The following GALNTL6 variants were observed in gnomAD, a reference collection of about 807,000 sequenced individuals.
The protein encoded by GALNTL6 is polypeptide N-acetylgalactosaminyltransferase-like 6.
A neutral mutation model predicts 73.7 loss-of-function variants in GALNTL6; 46 were observed. The observed-to-expected ratio is 0.62, with a 90% CI of 0.49 to 0.80. GALNTL6 has a LOEUF of 0.80. GALNTL6 is among the 30% of genes least tolerant of loss of function. The pLI is 0.00. For missense variants in GALNTL6, 604 were observed against 755.0 expected (o/e 0.80, Z 2.34); for synonymous variants, 259 against 263.7 (o/e 0.98, Z 0.17).
intron 2 of GALNTL6, among the ~76,000 whole-genome samples, chr4:172,179,924 ATAG>A (rs1328988086): frequency 2.0e-5 from 3 of 152,160 alleles, no homozygotes; most frequent in Non-Finnish European, 4.4e-5. Flanking sequence ...ATGTGTCTTC[ATAG>A]TAGAATGATT....
At chr4:172,906,232 C>T (rs928774852) in intron 8 of GALNTL6, among the ~76,000 whole-genome samples, 2 of 150,790 alleles carry the variant, frequency 1.3e-5, no homozygotes, top group Non-Finnish European at 3.0e-5. Context: ...GGTTAAGTGG[C>T]CATTAAAAAA....
intron 5 of GALNTL6, among the ~76,000 whole-genome samples, chr4:172,495,662 AT>A (rs1734049477): frequency 1.3e-5 from 2 of 152,280 alleles, no homozygotes; most frequent in Middle Eastern, 3.4e-3. Flanking sequence ...TGGTGGGAAA[AT>A]GCCTTTAGTA....
chr4:172,514,671 G>T (rs1384022595), intron 5 of GALNTL6, among the ~76,000 whole-genome samples: 2 of 152,110 alleles, frequency 1.3e-5, no homozygotes, highest in African/African-American at 4.8e-5. Flanking sequence ...CCTTCTTCCT[G>T]TAGTCTTTCC....
At chr4:171,936,290 T>C (rs984230909) in intron 2 of GALNTL6, among the ~76,000 whole-genome samples, 2 of 152,164 alleles carry the variant, frequency 1.3e-5, no homozygotes, top group African/African-American at 4.8e-5. Context: ...GGAAAAGGTA[T>C]GTAACATCTG....
intron 5 of GALNTL6, among the ~76,000 whole-genome samples, chr4:172,635,317 A>G (rs1739619016): frequency 6.6e-6 from 1 of 152,134 alleles, no homozygotes; most frequent in African/African-American, 2.4e-5. Flanking sequence ...ATTTAATTCA[A>G]ATAAGATGTA....
At chr4:172,413,677 T>C (rs796468988) in intron 5 of GALNTL6, among the ~76,000 whole-genome samples, 1 of 150,348 alleles carries the variant, frequency 6.7e-6, no homozygotes, top group African/African-American at 2.4e-5. Flanking sequence ...TTTTTTGCTA[T>C]CTGTGAAACT....
intron 6 of GALNTL6, among the ~76,000 whole-genome samples, chr4:172,811,791 C>T (rs993530758): frequency 2.0e-5 from 3 of 152,226 alleles, no homozygotes; most frequent in African/African-American, 7.2e-5. Flanking sequence ...ATTCCCCTTC[C>T]CCTGTTTTAT....
intron 5 of GALNTL6, among the ~76,000 whole-genome samples, chr4:172,706,566 T>C (rs1377140220): frequency 6.6e-6 from 1 of 152,140 alleles, no homozygotes; most frequent in East Asian, 1.9e-4. Flanking sequence ...TTCTAGTCTT[T>C]GCTTTTGCCT....
chr4:172,757,510 A>G (rs1737819510), intron 5 of GALNTL6, among the ~76,000 whole-genome samples: 1 of 152,200 alleles, frequency 6.6e-6, no homozygotes, highest in African/African-American at 2.4e-5. Context: ...TAATATTTAC[A>G]TAAAGTCATG....
At chr4:172,156,543 A>ATATATATATATATATAGTGTG (rs1734279199) in intron 2 of GALNTL6, among the ~76,000 whole-genome samples, 1 of 19,344 alleles carries the variant, frequency 5.2e-5, no homozygotes, top group African/African-American at 2.1e-4. Context: ...TATATATAAT[A>ATATATATATATATATAGTGTG]TATATATATA....
chr4:172,102,232 A>G (rs1163334611), intron 2 of GALNTL6, among the ~76,000 whole-genome samples: 1 of 152,212 alleles, frequency 6.6e-6, no homozygotes, highest in East Asian at 1.9e-4. Flanking sequence ...ATAGAAAGCT[A>G]GGATATGTCT....
At chr4:172,477,083 G>A (rs576820613) in intron 5 of GALNTL6, among the ~76,000 whole-genome samples, 17 of 151,298 alleles carry the variant, frequency 1.1e-4, no homozygotes, top group African/African-American at 3.9e-4. Context: ...CACCACGCCC[G>A]GCTAATTTCT....
chr4:172,587,199 G>A (rs1737446050), intron 5 of GALNTL6, among the ~76,000 whole-genome samples: 1 of 152,058 alleles, frequency 6.6e-6, no homozygotes, highest in Non-Finnish European at 1.5e-5. Context: ...CAGATATGAA[G>A]GAAACCATAG....
chr4:173,004,524 G>T (rs1230587160), intron 10 of GALNTL6, among the ~76,000 whole-genome samples: 2 of 152,144 alleles, frequency 1.3e-5, no homozygotes, highest in African/African-American at 2.4e-5. Flanking sequence ...TATTTGGGAG[G>T]CTGAGGCAGG....
chr4:172,887,504 C>G (rs191638463), intron 8 of GALNTL6, among the ~76,000 whole-genome samples: 30 of 151,866 alleles, frequency 2.0e-4, no homozygotes, highest in Admixed American at 1.9e-3. Flanking sequence ...TCTTTTTTCT[C>G]TGCAGCCCTG....
intron 2 of GALNTL6, among the ~76,000 whole-genome samples, chr4:172,145,706 A>C (rs557704709): frequency 2.0e-5 from 3 of 152,310 alleles, no homozygotes; most frequent in African/African-American, 7.2e-5. Context: ...TTAATAATTA[A>C]CTATATTCAC....
At chr4:172,913,784 ATGGG>A (rs1269984554) in intron 8 of GALNTL6, among the ~76,000 whole-genome samples, 2 of 152,228 alleles carry the variant, frequency 1.3e-5, no homozygotes, top group African/African-American at 4.8e-5. Context: ...CCTTAAAGTG[ATGGG>A]AAGAATGGAA....
chr4:172,893,728 G>C (rs889203873), intron 8 of GALNTL6, among the ~76,000 whole-genome samples: 40 of 152,194 alleles, frequency 2.6e-4, no homozygotes, highest in African/African-American at 9.4e-4. Flanking sequence ...GGAGAGCCTG[G>C]GGGGAAGGGT....
chr4:172,359,483 C>G (rs1742288653), intron 5 of GALNTL6, among the ~76,000 whole-genome samples: 1 of 152,120 alleles, frequency 6.6e-6, no homozygotes, highest in Non-Finnish European at 1.5e-5. Flanking sequence ...AACAAACCTG[C>G]ACATGTACCC....
Sources: allele counts gnomAD v4.1 joint callset (sites outside exome capture counted in the v4.1 genomes callset), GRCh38; gene constraint gnomAD v4.1.1; transcripts MANE v1.5; gene names NCBI Gene and HGNC (gene_info 2026-07-23, HGNC 2026-07-21).